The following CAB39 variants were observed in gnomAD, a reference collection of about 807,000 sequenced individuals.
The protein encoded by CAB39 is calcium-binding protein 39.
Under a neutral mutation model 40.0 loss-of-function variants are expected in CAB39, and 8 were observed. The ratio of observed to expected loss-of-function variants is 0.20; its 90% CI spans 0.12 to 0.36. CAB39 has a LOEUF of 0.36. CAB39 is among the 10% of genes least tolerant of loss of function. The pLI is 1.00. For missense variants in CAB39, 270 were observed against 401.1 expected, an observed-to-expected ratio of 0.67 and a Z score of 2.79; for synonymous variants, 156 against 141.6, an observed-to-expected ratio of 1.10 and a Z score of -0.72.
At chr2:230,758,676 T>C (rs1695237540) in intron 1 of CAB39, among the ~76,000 whole-genome samples, 1 of 152,214 alleles carries the variant, frequency 6.6e-6, no homozygotes, top group African/African-American at 2.4e-5. Context: ...TTTGTGTTTA[T>C]ATAGAAGGGG....
chr2:230,773,314 A>ATGTATGTGTGTGTG (rs1553673090), intron 2 of CAB39, among the ~76,000 whole-genome samples: 1 of 132,632 alleles, frequency 7.5e-6, no homozygotes, highest in African/African-American at 3.1e-5. Context: ...ATATATATAT[A>ATGTATGTGTGTGTG]TGTGTGTGTG....
chr2:230,720,030 G>T (rs1395206926), intron 1 of CAB39, among the ~76,000 whole-genome samples: 2 of 152,142 alleles, frequency 1.3e-5, no homozygotes, highest in African/African-American at 4.8e-5. Context: ...TTGTGCTTAT[G>T]AATAAATAGT....
chr2:230,742,397 G>C (rs562416388), intron 1 of CAB39, among the ~76,000 whole-genome samples: 1 of 151,958 alleles, frequency 6.6e-6, no homozygotes, highest in Admixed American at 6.6e-5. Context: ...GGATGGTCTC[G>C]ATCTCCTGAC....
intron 2 of CAB39, among the ~76,000 whole-genome samples, chr2:230,762,327 A>G (rs1212108303): frequency 6.6e-6 from 1 of 152,248 alleles, no homozygotes; most frequent in African/African-American, 2.4e-5. Context: ...TCAAGAAGTT[A>G]GAGGGGACTT....
chr2:230,770,477 T>TGATA (rs1383088951), intron 2 of CAB39, among the ~76,000 whole-genome samples: 1 of 152,236 alleles, frequency 6.6e-6, no homozygotes, highest in African/African-American at 2.4e-5. Context: ...GTGAAGACTC[T>TGATA]AGGCCCAGAT....
chr2:230,792,073 C>T (rs1472415151), intron 3 of CAB39, among the ~76,000 whole-genome samples: 3 of 152,120 alleles, frequency 2.0e-5, no homozygotes, highest in African/African-American at 4.8e-5. Context: ...GGGTATGGTT[C>T]ATAAGTTGAG....
At chr2:230,736,324 T>A (rs1694788023) in intron 1 of CAB39, among the ~76,000 whole-genome samples, 1 of 152,210 alleles carries the variant, frequency 6.6e-6, no homozygotes. Flanking sequence ...TCATGTCCTT[T>A]GCCTGTCATT....
intron 1 of CAB39, among the ~76,000 whole-genome samples, chr2:230,732,105 G>A (rs1575906527): frequency 1.3e-5 from 2 of 151,364 alleles, no homozygotes; most frequent in Admixed American, 1.3e-4. Context: ...CGGGGGAGGG[G>A]GACTGTCTCA....
intron 1 of CAB39, among the ~76,000 whole-genome samples, chr2:230,727,064 A>G (rs1694592879): frequency 1.3e-5 from 2 of 152,024 alleles, no homozygotes; most frequent in African/African-American, 4.8e-5. Context: ...GAGTATATCC[A>G]GAAGAAAGTG....
intron 1 of CAB39, among the ~76,000 whole-genome samples, chr2:230,729,807 G>T (rs1460415750): frequency 6.6e-6 from 1 of 151,748 alleles, no homozygotes; most frequent in Non-Finnish European, 1.5e-5. Context: ...ATAATTGGTA[G>T]CACTTGGCTA....
intron 1 of CAB39, among the ~76,000 whole-genome samples, chr2:230,759,331 C>T (rs565978948): frequency 7.2e-5 from 11 of 152,238 alleles, no homozygotes; most frequent in Non-Finnish European, 1.0e-4. Flanking sequence ...GCGTGAACAC[C>T]GGGAAAAGAG....
chr2:230,796,186 A>G (rs186182155), intron 4 of CAB39, among the ~76,000 whole-genome samples: 4 of 152,232 alleles, frequency 2.6e-5, no homozygotes, highest in East Asian at 3.9e-4. Context: ...GCATTTTAAG[A>G]TTTTTGTACT....
chr2:230,780,441 A>G (rs909342650), intron 2 of CAB39, among the ~76,000 whole-genome samples: 2 of 152,202 alleles, frequency 1.3e-5, no homozygotes, highest in South Asian at 2.1e-4. Context: ...CCAAAATCTA[A>G]TTCAGGATCA....
chr2:230,794,871 C>T (rs1337596023), intron 4 of CAB39, among the ~76,000 whole-genome samples: 1 of 152,200 alleles, frequency 6.6e-6, no homozygotes, highest in Admixed American at 6.5e-5. Flanking sequence ...GTACGCATTA[C>T]AAAACACAGT....
At chr2:230,782,653 A>T (rs113233018) in intron 2 of CAB39, among the ~76,000 whole-genome samples, 1,931 of 152,234 alleles carry the variant, frequency 0.013, 43 homozygotes, top group Middle Eastern at 0.058. Flanking sequence ...TAAATTGAGC[A>T]CAAGGCAAAT....
rs1696476593 is a variant in CAB39, at chr2:230,819,848, T to C, written c.*1144T>C. On this transcript the variant is annotated 3_prime_UTR_variant, in exon 9 of 9. Coordinates refer to ENST00000258418, the MANE Select transcript of CAB39 (RefSeq NM_016289.4). ...GATAGAGATTATGCTAAATTAATGC[T>C]GATTCTTTGTGTGTGTGGGAAATCT... 1 of 152,576 alleles carries C rather than the reference T, an allele frequency of 6.6e-6. No homozygotes were observed. The highest frequency in any genetic ancestry group is 2.1e-4 in the South Asian group (1 of 4,836). 9.5% of individuals were successfully genotyped at this position (152,576 alleles called of 1,614,324 possible). A position where few individuals can be genotyped will look rare whatever the true frequency, so the allele number is the denominator to read the frequency against.
intron 1 of CAB39, among the ~76,000 whole-genome samples, chr2:230,721,292 A>G (rs983472441): frequency 4.6e-5 from 7 of 152,170 alleles, no homozygotes; most frequent in Non-Finnish European, 7.3e-5. Flanking sequence ...TTAGCTGGGC[A>G]TGGTGTCAGG....
chr2:230,817,411 A>T (rs571841479), intron 7 of CAB39, among the ~76,000 whole-genome samples: 30 of 152,188 alleles, frequency 2.0e-4, no homozygotes, highest in Middle Eastern at 3.4e-3. Context: ...ACTTTTGACC[A>T]TTTTCTTGAA....
At chr2:230,746,077 T>C (rs1287488567) in intron 1 of CAB39, among the ~76,000 whole-genome samples, 1 of 152,234 alleles carries the variant, frequency 6.6e-6, no homozygotes, top group Non-Finnish European at 1.5e-5. Context: ...TTGTGATTAC[T>C]GTGTTTAAAA....
Sources: gnomAD v4.1 joint callset for allele counts (sites outside exome capture counted in the v4.1 genomes callset) on GRCh38, gnomAD v4.1.1 for gene constraint, MANE v1.5 for transcripts, NCBI Gene and HGNC (gene_info 2026-07-23, HGNC 2026-07-21) for gene names.